Variants in TTLL11 observed in about 807,000 individuals in gnomAD.
The protein encoded by TTLL11 is tubulin polyglutamylase TTLL11.
In TTLL11, 42 loss-of-function variants were observed where a neutral mutation model predicts 51.7. The observed-to-expected ratio is 0.81, with a 90% CI of 0.64 to 1.05. The LOEUF is 1.05. Among genes scored for constraint, TTLL11 ranks in the 50% least tolerant of loss-of-function variants. The pLI, the probability that TTLL11 is intolerant of heterozygous loss-of-function variation, is 0.00. For synonymous variants in TTLL11, 381 were observed against 383.5 expected (o/e 0.99, Z 0.08); for missense variants, 799 against 940.4 (o/e 0.85, Z 1.97).
At chr9:121,840,816 T>A (rs369617462) in intron 8 of TTLL11, among the ~76,000 whole-genome samples, 24 of 152,284 alleles carry the variant, frequency 1.6e-4, no homozygotes, top group African/African-American at 5.8e-4. Flanking sequence ...AGGAGCCTAG[T>A]GAGACCCCAT....
chr9:121,835,774 G>A (rs533037589), intron 8 of TTLL11, among the ~76,000 whole-genome samples: 5 of 152,314 alleles, frequency 3.3e-5, no homozygotes, highest in African/African-American at 1.2e-4. Flanking sequence ...ATTCCATCAT[G>A]ACACGAACAC....
intron 6 of TTLL11, among the ~76,000 whole-genome samples, chr9:121,895,357 T>C (rs79744971): frequency 1.1e-4 from 8 of 72,240 alleles, no homozygotes; most frequent in African/African-American, 2.7e-4. Context: ...TGTGTGCGTG[T>C]GTGTGTATTG....
chr9:121,884,116 G>A (rs1296856992), intron 6 of TTLL11, among the ~76,000 whole-genome samples: 5 of 152,330 alleles, frequency 3.3e-5, no homozygotes, highest in Non-Finnish European at 7.4e-5. Flanking sequence ...ATTTGCAGAT[G>A]CACAGACTGG....
At chr9:122,046,930 C>T (rs555501019) in intron 1 of TTLL11, among the ~76,000 whole-genome samples, 15 of 152,278 alleles carry the variant, frequency 9.9e-5, no homozygotes, top group South Asian at 6.2e-4. Context: ...ACCTCCTACG[C>T]GCCAAAGGGT....
intron 8 of TTLL11, among the ~76,000 whole-genome samples, chr9:121,841,912 C>G (rs1300738474): frequency 1.3e-5 from 2 of 152,020 alleles, no homozygotes; most frequent in African/African-American, 4.8e-5. Context: ...CAGTTGAGAA[C>G]CACTCGTCTC....
rs10618618 is a variant in TTLL11 at position 122,066,214 on chromosome 9, A to AGTG, written c.462+26470_462+26472dup. ...TGTTGTTGTTGTTGTTGTTGTTGTTAGTGGTGGTGGTGGTGGTGGTGGTGG... is the reference window on the plus strand; with the variant it reads ...TGTTGTTGTTGTTGTTGTTGTTGTTAGTGGTGGTGGTGGTGGTGGTGGTGGTGG... On this transcript the variant is annotated intron_variant, in intron 1 of 8. Transcript: ENST00000321582. Among the ~76,000 whole-genome samples the AGTG allele has an allele frequency of 1.9e-3, 265 of 140,644 alleles. 3 individuals are homozygous for AGTG. The East Asian group carries it at 0.046, about 24-fold the overall frequency. The allele number at this position is 140,644 out of a possible 152,430, so 92.3% of individuals were successfully genotyped here.
At chr9:122,015,680 C>T (rs565291579) in intron 3 of TTLL11, among the ~76,000 whole-genome samples, 6 of 152,140 alleles carry the variant, frequency 3.9e-5, no homozygotes, top group Non-Finnish European at 7.4e-5. Flanking sequence ...TCCCACCGGA[C>T]GGCATCACTT....
chr9:121,930,176 G>A (rs533757872), intron 6 of TTLL11, among the ~76,000 whole-genome samples: 6 of 152,180 alleles, frequency 3.9e-5, no homozygotes, highest in Non-Finnish European at 7.4e-5. Flanking sequence ...CCAGACAATA[G>A]GTAAGTGGCA....
intron 2 of TTLL11, among the ~76,000 whole-genome samples, chr9:122,032,642 C>T (rs571419421): frequency 4.8e-5 from 7 of 144,902 alleles, no homozygotes; most frequent in South Asian, 2.2e-4. Context: ...AGCAGGACTC[C>T]GTCTCAAAAA....
At chr9:121,849,608 C>A (rs1837609390) in intron 8 of TTLL11, among the ~76,000 whole-genome samples, 1 of 152,004 alleles carries the variant, frequency 6.6e-6, no homozygotes, top group African/African-American at 2.4e-5. Context: ...GACATCTCAC[C>A]AAAGAAGTTA....
chr9:121,964,098 C>T (rs1842324378), intron 6 of TTLL11, among the ~76,000 whole-genome samples: 1 of 151,730 alleles, frequency 6.6e-6, no homozygotes, highest in African/African-American at 2.4e-5. Context: ...TTCAAGACTT[C>T]ATGCATTCCA....
chr9:121,857,037 G>A (rs1487659989), intron 8 of TTLL11, among the ~76,000 whole-genome samples: 1 of 152,222 alleles, frequency 6.6e-6, no homozygotes, highest in Non-Finnish European at 1.5e-5. Flanking sequence ...ACTGGGCCCT[G>A]GCTGGCACCA....
chr9:122,016,869 A>T (rs1208885106), intron 3 of TTLL11, among the ~76,000 whole-genome samples: 1 of 152,222 alleles, frequency 6.6e-6, no homozygotes, highest in Non-Finnish European at 1.5e-5. Flanking sequence ...ATGGAAGACC[A>T]TATGCAAAAT....
chr9:121,842,482 G>A (rs2131357842), intron 8 of TTLL11, among the ~76,000 whole-genome samples: 1 of 151,094 alleles, frequency 6.6e-6, no homozygotes, highest in African/African-American at 2.5e-5. Flanking sequence ...TGTTTCCCAG[G>A]CTGGTCACAA....
chr9:121,935,837 A>G (rs1196294961), intron 6 of TTLL11, among the ~76,000 whole-genome samples: 1 of 152,206 alleles, frequency 6.6e-6, no homozygotes, highest in Non-Finnish European at 1.5e-5. Context: ...AGAAGAGCTC[A>G]GGGAAATGAT....
intron 8 of TTLL11, among the ~76,000 whole-genome samples, chr9:121,849,152 T>C (rs1350122528): frequency 1.3e-5 from 2 of 152,240 alleles, no homozygotes; most frequent in Non-Finnish European, 2.9e-5. Flanking sequence ...GTAGAGAGGT[T>C]AGTCTTTTCA....
chr9:122,024,075 C>T (rs73662570), intron 3 of TTLL11, among the ~76,000 whole-genome samples: 10 of 151,994 alleles, frequency 6.6e-5, no homozygotes, highest in Non-Finnish European at 1.3e-4. Flanking sequence ...AAATAAGCTA[C>T]TAGAACTGTT....
In TTLL11 at chr9:121,951,680, G is replaced by C. The variant is rs115149194; in HGVS notation, c.1481+22329C>G. On this transcript the variant is annotated intron_variant, in intron 6 of 8. Transcript: ENST00000321582. ...CACACTGTTACAGGAAAGAGGTCCT[G>C]ATCCAGACTCCAAGAGAGGTTTCTT... 7.5e-3 allele frequency among the ~76,000 whole-genome samples: 1,147 copies of C among 152,272 alleles called. 12 individuals are homozygous for C. The highest frequency in any genetic ancestry group is 0.027 in the African/African-American group (1,105 of 41,538).
At chr9:122,061,586 T>C (rs752393354) in intron 1 of TTLL11, among the ~76,000 whole-genome samples, 7 of 152,206 alleles carry the variant, frequency 4.6e-5, no homozygotes, top group Non-Finnish European at 1.0e-4. Context: ...TCATTGTTAT[T>C]TTAACTTGCA....
Sources: allele counts gnomAD v4.1 joint callset (sites outside exome capture counted in the v4.1 genomes callset), GRCh38; gene constraint gnomAD v4.1.1; transcripts MANE v1.5; gene names NCBI Gene and HGNC (gene_info 2026-07-23, HGNC 2026-07-21).